DMXL2: variants seen among roughly 807,000 people sequenced by gnomAD.
DMXL2 encodes the protein dmX-like protein 2.
A neutral mutation model predicts 331.1 loss-of-function variants in DMXL2; 103 were observed. The observed-to-expected ratio is 0.31, with a 90% CI of 0.27 to 0.37. DMXL2 has a LOEUF of 0.37. Ranked by LOEUF, DMXL2 falls within the 10% of genes least tolerant of loss-of-function variation. The pLI is 1.00. For synonymous variants in DMXL2, 1,281 were observed against 1,252.1 expected, an observed-to-expected ratio of 1.02 and a Z score of -0.49; for missense variants, 3,171 against 3,642.9, an observed-to-expected ratio of 0.87 and a Z score of 3.33.
chr15:51,601,285 C>A (rs2053208784), intron 1 of DMXL2, among the ~76,000 whole-genome samples: 3 of 42,242 alleles, frequency 7.1e-5, no homozygotes, highest in East Asian at 5.6e-4. Context: ...AGCAAGACTC[C>A]ATCTCAAAAA....
At chr15:51,534,910 C>T (rs2048201569) in intron 13 of DMXL2, among the ~76,000 whole-genome samples, 1 of 152,126 alleles carries the variant, frequency 6.6e-6, no homozygotes, top group African/African-American at 2.4e-5. Context: ...CTTCTAGGGC[C>T]ATCCTTTTGG....
chr15:51,550,598 AAAGAT>A (rs1298092664), intron 6 of DMXL2, among the ~76,000 whole-genome samples: 2 of 152,028 alleles, frequency 1.3e-5, no homozygotes, highest in Non-Finnish European at 2.9e-5. Context: ...CAAAAAAAGA[AAAGAT>A]AAATTCCATT....
intron 18 of DMXL2, among the ~76,000 whole-genome samples, chr15:51,495,945 T>A (rs1276370727): frequency 6.6e-6 from 1 of 152,166 alleles, no homozygotes; most frequent in African/African-American, 2.4e-5. Flanking sequence ...GCTAGATAGA[T>A]AGCTATTAGG....
intron 1 of DMXL2, among the ~76,000 whole-genome samples, chr15:51,596,772 G>A (rs1003560089): frequency 1.3e-5 from 2 of 152,156 alleles, no homozygotes; most frequent in African/African-American, 4.8e-5. Flanking sequence ...TCCTTTGTAG[G>A]AACATGGATG....
intron 25 of DMXL2, among the ~76,000 whole-genome samples, chr15:51,479,329 T>C (rs2140357530): frequency 6.6e-6 from 1 of 152,254 alleles, no homozygotes; most frequent in South Asian, 2.1e-4. Context: ...GGAAAAAGCA[T>C]AGCACAAATA....
Position 51,481,611 on chromosome 15 carries a change from G to C in DMXL2, c.5495C>G (p.Ser1832Cys). The change falls in exon 24 of 44, where the codon TCT (serine) becomes TGT (cysteine). Residue 1832 changes from serine (S) to cysteine (C), a missense_variant. Transcript: ENST00000560891. ...AAAACTAAATGCCACCGGGTTACAA[G>C]ACTTGATGATAACTATAGAAATCAA... ...EDDEHQVIIK[S>C]CNPVAFSFYN... The C allele has an allele frequency of 1.3e-6, 2 of 1,552,412 alleles. No individual in the cohort carries two copies. The highest frequency in any genetic ancestry group is 4.5e-5 in the East Asian group (2 of 44,398).
chr15:51,611,004 G>A lies in DMXL2; in HGVS notation c.87+11455C>T, dbSNP rs145099621. ...GAGAATGCAGATCTTGGAAGAAAAC[G>A]TACATTCTAAATTCATCTATTAGGG... On this transcript the variant is annotated intron_variant, in intron 1 of 43. Transcript: ENST00000560891. 5.3e-3 allele frequency among the ~76,000 whole-genome samples: 802 copies of A among 151,972 alleles called. 6 individuals are homozygous for A. The highest frequency in any genetic ancestry group is 0.016 in the African/African-American group (676 of 41,436).
rs374821835 is a variant in DMXL2 at position 51,499,047 on chromosome 15, G to C, written c.4177C>G (p.Arg1393Gly). 4.3e-6 allele frequency: 7 copies of C among 1,613,800 alleles called. No homozygotes were observed. The highest frequency in any genetic ancestry group is 5.9e-6 in the Non-Finnish European group (7 of 1,180,014). ...RDPDAGEGTKRHLSRTISVSG... is the reference protein window; with the variant it reads ...RDPDAGEGTKGHLSRTISVSG... ...ACACTAATAGTTCGAGAGAGATGTCGCTTAGTTCCTTCTCCAGCATCAGGA... is the reference window on the plus strand; with the variant it reads ...ACACTAATAGTTCGAGAGAGATGTCCCTTAGTTCCTTCTCCAGCATCAGGA... The change falls in exon 18 of 44, where the codon CGA becomes GGA. Residue 1393 changes from arginine to glycine, a missense_variant. This residue lies in a region of DMXL2 where 1,674 missense variants were observed against 1,780.2 expected (regional missense o/e 0.94). Transcript: ENST00000560891.
Position 51,537,645 on chromosome 15 carries a change from G to A in DMXL2, c.1460C>T (p.Pro487Leu), listed in dbSNP as rs1596170045. 6.2e-7 allele frequency: 1 copy of A among 1,613,840 alleles called. No individual in the cohort carries two copies. Among genetic ancestry groups the A allele is most frequent in the East Asian group, 2.2e-5 (1 of 44,846 alleles). The change falls in exon 11 of 44, where the codon CCT becomes CTT. Residue 487 changes from proline to leucine, a missense_variant. Pro to Leu is a moderately conservative substitution (Grantham distance 98). Coordinates refer to ENST00000560891, the MANE Select transcript of DMXL2 (RefSeq NM_001378457.1). Reference sequence around the variant, plus strand: ...AATCTTCCGATCAAGCAGAACCGTAGGCAGTGGCATTGGTACACTAAGTCG... The same window carrying A: ...AATCTTCCGATCAAGCAGAACCGTAAGCAGTGGCATTGGTACACTAAGTCG... The part of the protein sequence containing the change: ...YSRLSVPMPL[P>L]TVLLDRKIET...
rs1330518338 is a variant in DMXL2 at position 51,500,096 on chromosome 15, T to C, written c.3128A>G (p.Lys1043Arg). The stretch of plus-strand genomic sequence containing the variant: ...CCATCTCTTCCAATGATAAATTTCT[T>C]TCTCATCACTTTTATTACACTCTGG... ...ANPECNKSDE[K>R]EIYHWKRWPL... is the part of the protein sequence containing the mutation. The change falls in exon 18 of 44, where the codon AAA becomes AGA. Residue 1043 changes from lysine (K) to arginine (R), a missense_variant. Physicochemically the swap from Lys to Arg is conservative, Grantham distance 26. Around this residue, in one of 7 missense-constraint regions of DMXL2, gnomAD observed 1,674 missense variants for 1,780.2 expected, o/e 0.94. Transcript: ENST00000560891. 4 of 1,614,196 alleles carry C rather than the reference T, an allele frequency of 2.5e-6. No individual in the cohort carries two copies. The highest frequency in any genetic ancestry group is 2.5e-6 in the Non-Finnish European group (3 of 1,180,014).
At chr15:51,462,184 T>A (rs1206483461) in intron 33 of DMXL2, among the ~76,000 whole-genome samples, 1 of 152,002 alleles carries the variant, frequency 6.6e-6, no homozygotes, top group Non-Finnish European at 1.5e-5. Context: ...AAAGAACAAG[T>A]ATGGTAGGTT....
chr15:51,455,840 T>G (rs1477915381), intron 39 of DMXL2, among the ~76,000 whole-genome samples: 2 of 152,210 alleles, frequency 1.3e-5, no homozygotes, highest in Non-Finnish European at 2.9e-5. Flanking sequence ...TTTTTTACTC[T>G]CACAGTATAT....
intron 1 of DMXL2, among the ~76,000 whole-genome samples, chr15:51,616,935 T>TAAAAA (rs34051640): frequency 8.6e-5 from 7 of 81,226 alleles, no homozygotes; most frequent in East Asian, 3.7e-4. Flanking sequence ...AGACTCCATC[T>TAAAAA]AAAAAAAAAA....
chr15:51,499,556 T>C lies in DMXL2; in HGVS notation c.3668A>G (p.Lys1223Arg). Reference sequence around the variant, plus strand: ...AACCCATCTTGACTTAACTCCTTGCTTGATACTACCACCTAGTGGTAAAGT... The same window carrying C: ...AACCCATCTTGACTTAACTCCTTGCCTGATACTACCACCTAGTGGTAAAGT... ...VITLPLGGSI[K>R]QGVKSRWVLL... Residue 1223 changes from lysine to arginine, a missense_variant, in exon 18 of 44, where the codon AAG (lysine) becomes AGG (arginine). Lys to Arg is a conservative substitution (Grantham distance 26, BLOSUM62 2). Transcript: ENST00000560891. The C allele has an allele frequency of 6.2e-7, 1 of 1,614,152 alleles. No individual in the cohort carries two copies. Among genetic ancestry groups the C allele is most frequent in the South Asian group, 1.1e-5 (1 of 91,074 alleles).
At chr15:51,586,545 T>C (rs996634829) in intron 1 of DMXL2, among the ~76,000 whole-genome samples, 1 of 151,510 alleles carries the variant, frequency 6.6e-6, no homozygotes, top group Non-Finnish European at 1.5e-5. Flanking sequence ...AAAAGTAAAA[T>C]TTTAAATTTA....
intron 10 of DMXL2, 32 bp downstream of exon 10, chr15:51,538,181 G>A (rs1555431152): frequency 3.2e-6 from 5 of 1,583,244 alleles, no homozygotes; most frequent in African/African-American, 1.4e-5. Flanking sequence ...GTTAACTTTG[G>A]AGTAAGTAAA....
At chr15:51,609,214 A>G (rs2053793009) in intron 1 of DMXL2, among the ~76,000 whole-genome samples, 3 of 152,246 alleles carry the variant, frequency 2.0e-5, no homozygotes, top group Admixed American at 2.0e-4. Flanking sequence ...AAGACACAAG[A>G]AAGGAGAAAA....
At chr15:51,562,729 A>G (rs957538026) in intron 6 of DMXL2, among the ~76,000 whole-genome samples, 2 of 152,238 alleles carry the variant, frequency 1.3e-5, no homozygotes, top group South Asian at 2.1e-4. Context: ...TACAATCTTA[A>G]TAACATAAAC....
At chr15:51,507,112 G>A (rs1463782238) in intron 16 of DMXL2, 22 bp downstream of exon 16, 2 of 1,556,294 alleles carry the variant, frequency 1.3e-6, no homozygotes, top group African/African-American at 1.4e-5. Context: ...TATCATCTCT[G>A]TATAAAACTA....
Sources: gnomAD v4.1 joint callset for allele counts (sites outside exome capture counted in the v4.1 genomes callset) on GRCh38, gnomAD v4.1.1 for gene constraint, gnomAD v4.1.1 regional missense constraint, MANE v1.5 for transcripts, NCBI Gene and HGNC (gene_info 2026-07-23, HGNC 2026-07-21) for gene names.